WWOX: variants seen among roughly 807,000 people sequenced by gnomAD.
WWOX encodes the protein WW domain containing oxidoreductase, also known as WW domain-containing oxidoreductase.
A neutral mutation model predicts 46.2 loss-of-function variants in WWOX; 69 were observed. That is an observed-to-expected ratio of 1.49 (90% confidence interval 1.23 to 1.82). WWOX has a LOEUF of 1.82. Ranked by LOEUF, WWOX falls within the 40% of genes most tolerant of loss-of-function variation. The pLI, the probability that WWOX is intolerant of heterozygous loss-of-function variation, is 0.00. For missense variants in WWOX, 919 were observed against 542.6 expected, an observed-to-expected ratio of 1.69 and a Z score of -6.89; for synonymous variants, 359 against 202.6, an observed-to-expected ratio of 1.77 and a Z score of -6.56.
At chr16:78,426,245 G>A (rs551547604) in intron 7 of WWOX, among the ~76,000 whole-genome samples, 14 of 152,170 alleles carry the variant, frequency 9.2e-5, no homozygotes, top group Non-Finnish European at 1.8e-4. Context: ...GTTAAGGGGC[G>A]AGGGAGGCTA....
intron 8 of WWOX, among the ~76,000 whole-genome samples, chr16:78,798,549 A>G (rs1487473144): frequency 6.6e-6 from 1 of 150,522 alleles, no homozygotes; most frequent in Non-Finnish European, 1.5e-5. Flanking sequence ...AAGCTTAGCT[A>G]TGCAATATAT....
intron 8 of WWOX, among the ~76,000 whole-genome samples, chr16:78,603,907 T>C (rs1175540420): frequency 6.6e-6 from 1 of 152,048 alleles, no homozygotes; most frequent in African/African-American, 2.4e-5. Context: ...TTCAGGAGGC[T>C]GACGTGGGAG....
intron 5 of WWOX, among the ~76,000 whole-genome samples, chr16:78,202,994 G>A (rs924960333): frequency 2.0e-5 from 3 of 152,156 alleles, no homozygotes; most frequent in East Asian, 3.8e-4. Flanking sequence ...CAGGCTGTCT[G>A]CCAACTATGG....
At chr16:78,530,901 C>G (rs1479634085) in intron 8 of WWOX, among the ~76,000 whole-genome samples, 3 of 152,196 alleles carry the variant, frequency 2.0e-5, no homozygotes, top group African/African-American at 7.2e-5. Flanking sequence ...CACATTATCT[C>G]ACTTAATTTC....
chr16:78,334,945 A>C, intron 5 of WWOX, among the ~76,000 whole-genome samples: 1 of 149,832 alleles, frequency 6.7e-6, no homozygotes, highest in African/African-American at 2.5e-5. Context: ...AAAAGGCAGC[A>C]AAATGTGAGA....
At chr16:78,739,936 A>G (rs964121923) in intron 8 of WWOX, among the ~76,000 whole-genome samples, 3 of 152,202 alleles carry the variant, frequency 2.0e-5, no homozygotes, top group African/African-American at 4.8e-5. Context: ...GGATGCATAT[A>G]CACATTGAAC....
chr16:78,251,670 G>T (rs2037987872), intron 5 of WWOX, among the ~76,000 whole-genome samples: 1 of 152,134 alleles, frequency 6.6e-6, no homozygotes, highest in Non-Finnish European at 1.5e-5. Flanking sequence ...GAACCCCGAT[G>T]CTTTGGGAAC....
In WWOX at chr16:78,591,831, T is replaced by C. The variant is rs142297797; in HGVS notation, c.1056+159079T>C. Among the ~76,000 whole-genome samples the C allele has an allele frequency of 4.6e-3, 694 of 152,280 alleles. 2 individuals carry two copies. Among genetic ancestry groups the C allele is most frequent in the Middle Eastern group, 6.8e-3 (2 of 294 alleles). On this transcript the variant is annotated intron_variant, in intron 8 of 8. Coordinates refer to ENST00000566780, the MANE Select transcript of WWOX (RefSeq NM_016373.4). ...AGCTGGTGACAAAACTCAAAGAAGATGTAACTAGAGAAAAGGTACTCAGTG... is the reference window on the plus strand; with the variant it reads ...AGCTGGTGACAAAACTCAAAGAAGACGTAACTAGAGAAAAGGTACTCAGTG...
intron 6 of WWOX, among the ~76,000 whole-genome samples, chr16:78,421,017 TG>T (rs1426202347): frequency 2.0e-5 from 3 of 152,180 alleles, no homozygotes; most frequent in Non-Finnish European, 2.9e-5. Context: ...TCTCTGTTGT[TG>T]GATGTTAGAT....
chr16:78,474,747 C>G (rs151003129), intron 8 of WWOX, among the ~76,000 whole-genome samples: 1 of 152,132 alleles, frequency 6.6e-6, no homozygotes, highest in Non-Finnish European at 1.5e-5. Context: ...TTCAACTCTT[C>G]CCCAGCCTCT....
chr16:78,855,895 T>G (rs181247277), intron 8 of WWOX, among the ~76,000 whole-genome samples: 30 of 152,304 alleles, frequency 2.0e-4, no homozygotes, highest in Admixed American at 3.3e-4. Context: ...CTTACTCTCA[T>G]GTAACTCGAA....
At chr16:79,148,658 C>T (rs2050223052) in intron 8 of WWOX, among the ~76,000 whole-genome samples, 1 of 152,122 alleles carries the variant, frequency 6.6e-6, no homozygotes, top group Non-Finnish European at 1.5e-5. Context: ...ACCTATAGAT[C>T]AATTCGGGAG....
At chr16:79,013,279 C>T (rs1339317749) in intron 8 of WWOX, among the ~76,000 whole-genome samples, 1 of 152,148 alleles carries the variant, frequency 6.6e-6, no homozygotes, top group East Asian at 1.9e-4. Flanking sequence ...AAATAAAATG[C>T]ATACGCCTGT....
intron 8 of WWOX, among the ~76,000 whole-genome samples, chr16:78,594,746 C>T (rs1020595925): frequency 1.3e-5 from 2 of 152,086 alleles, no homozygotes; most frequent in African/African-American, 4.8e-5. Context: ...TCCAACTTGA[C>T]ACTTATTTAA....
At chr16:79,182,575 C>T (rs2050933988) in intron 8 of WWOX, among the ~76,000 whole-genome samples, 1 of 151,958 alleles carries the variant, frequency 6.6e-6, no homozygotes, top group South Asian at 2.1e-4. Context: ...GTTATTTGTG[C>T]TTTTAAAGTA....
intron 5 of WWOX, among the ~76,000 whole-genome samples, chr16:78,265,753 C>G (rs908985551): frequency 3.4e-5 from 5 of 147,756 alleles, no homozygotes; most frequent in African/African-American, 9.9e-5. Flanking sequence ...GTTGTATCAG[C>G]TTTTTTTTTT....
intron 8 of WWOX, among the ~76,000 whole-genome samples, chr16:78,884,210 C>G (rs1293806401): frequency 7.1e-6 from 1 of 141,242 alleles, no homozygotes; most frequent in Admixed American, 7.8e-5. Flanking sequence ...GAGGTCAAGG[C>G]TACAGTGAGC....
chr16:78,529,439 C>G (rs1454660654), intron 8 of WWOX, among the ~76,000 whole-genome samples: 2 of 151,778 alleles, frequency 1.3e-5, no homozygotes, highest in South Asian at 2.1e-4. Flanking sequence ...CCCGTGGGCT[C>G]TTTCTGGACC....
intron 5 of WWOX, among the ~76,000 whole-genome samples, chr16:78,229,533 A>ATATATATAT (rs369604047): frequency 2.7e-5 from 4 of 145,530 alleles, no homozygotes; most frequent in African/African-American, 5.1e-5. Context: ...TATATATATA[A>ATATATATAT]AATAATGAAT....
Sources: gnomAD v4.1 joint callset for allele counts (sites outside exome capture counted in the v4.1 genomes callset) on GRCh38, gnomAD v4.1.1 for gene constraint, MANE v1.5 for transcripts, NCBI Gene and HGNC (gene_info 2026-07-23, HGNC 2026-07-21) for gene names.